SLC4A10: variants seen among roughly 807,000 people sequenced by gnomAD.
SLC4A10 encodes the protein sodium-driven chloride bicarbonate exchanger.
A neutral mutation model predicts 137.7 loss-of-function variants in SLC4A10; 42 were observed. The ratio of observed to expected loss-of-function variants is 0.30; its 90% CI spans 0.24 to 0.39. SLC4A10 has a LOEUF of 0.39. Ranked by LOEUF, SLC4A10 falls within the 10% of genes least tolerant of loss-of-function variation. The pLI is 1.00. For missense variants in SLC4A10, 925 were observed against 1,355.0 expected, an observed-to-expected ratio of 0.68 and a Z score of 4.98; for synonymous variants, 474 against 464.1, an observed-to-expected ratio of 1.02 and a Z score of -0.27.
chr2:161,751,707 A>G (rs1325554823), intron 1 of SLC4A10, among the ~76,000 whole-genome samples: 1 of 151,754 alleles, frequency 6.6e-6, no homozygotes, highest in Non-Finnish European at 1.5e-5. Context: ...ATTATTGCAA[A>G]TGCCTTTTTA....
intron 17 of SLC4A10, 123 bp downstream of exon 17, chr2:161,947,850 G>A: frequency 9.4e-7 from 1 of 1,065,274 alleles, no homozygotes; most frequent in South Asian, 1.6e-5. Context: ...TAGTTGTGGA[G>A]TGAGATGAGG....
chr2:161,811,414 A>G (rs2056539330), intron 3 of SLC4A10, among the ~76,000 whole-genome samples: 1 of 151,774 alleles, frequency 6.6e-6, no homozygotes, highest in Non-Finnish European at 1.5e-5. Context: ...TTAAAGCCAT[A>G]CTTATGTTGG....
rs369305207 is a variant in SLC4A10 at position 161,954,976 on chromosome 2, C to G, written c.2542-2013C>G. Among the ~76,000 whole-genome samples the G allele has an allele frequency of 9.9e-5, 15 of 152,236 alleles. No homozygotes were observed. In the East Asian group the frequency reaches 2.3e-3, roughly 24 times the overall value. On this transcript the variant is annotated intron_variant, in intron 19 of 26. Transcript: ENST00000446997. ...GAAAGTCCAGGTGTGCTAAAAAGTA[C>G]AAGCCTGACTCTCAAGGCCCCCTGT... is the stretch of plus-strand genomic sequence containing the variant.
intron 15 of SLC4A10, among the ~76,000 whole-genome samples, chr2:161,924,723 A>T (rs979038871): frequency 9.2e-5 from 14 of 152,204 alleles, no homozygotes; most frequent in African/African-American, 3.4e-4. Context: ...ACATTGGTAC[A>T]TCAAATTTCT....
At chr2:161,755,098 C>CA (rs1309936062) in intron 1 of SLC4A10, among the ~76,000 whole-genome samples, 3 of 151,766 alleles carry the variant, frequency 2.0e-5, no homozygotes, top group African/African-American at 4.8e-5. Context: ...CTGACTCATA[C>CA]AAAAAAAATA....
chr2:161,746,304 A>C (rs2048377439), intron 1 of SLC4A10, among the ~76,000 whole-genome samples: 1 of 150,922 alleles, frequency 6.6e-6, no homozygotes, highest in African/African-American at 2.4e-5. Context: ...CTGCAAGACA[A>C]AAGTCCTCTT....
At chr2:161,959,055 C>T (rs986921672) in intron 21 of SLC4A10, among the ~76,000 whole-genome samples, 14 of 151,908 alleles carry the variant, frequency 9.2e-5, no homozygotes, top group Non-Finnish European at 1.9e-4. Context: ...AGTAACATGG[C>T]AAAAATGCTT....
At chr2:161,768,999 G>A (rs945049078) in intron 1 of SLC4A10, among the ~76,000 whole-genome samples, 3 of 151,956 alleles carry the variant, frequency 2.0e-5, no homozygotes, top group Admixed American at 6.6e-5. Flanking sequence ...TGGTATGGGC[G>A]AGCAGGCCTT....
chr2:161,873,943 A>C lies in SLC4A10; in HGVS notation c.886A>C (p.Thr296Pro). The C allele has an allele frequency of 6.3e-7, 1 of 1,594,970 alleles. No individual in the cohort carries two copies. The highest frequency in any genetic ancestry group is 8.5e-7 in the Non-Finnish European group (1 of 1,178,220). Residue 296 changes from threonine (T) to proline (P), a missense_variant, in exon 8 of 27, where the codon ACT (threonine) becomes CCT (proline). Physicochemically the swap from Thr to Pro is conservative, Grantham distance 38 (BLOSUM62 -1). Coordinates refer to ENST00000446997, the MANE Select transcript of SLC4A10 (RefSeq NM_001178015.2). ...ACTGGGAGGCCAACAAAAGGGGCATACTAGTCCATGTGGGATGAAACAAAG... is the reference window on the plus strand; with the variant it reads ...ACTGGGAGGCCAACAAAAGGGGCATCCTAGTCCATGTGGGATGAAACAAAG... ...KGLGGQQKGH[T>P]SPCGMKQRHE...
intron 15 of SLC4A10, among the ~76,000 whole-genome samples, chr2:161,929,439 A>C (rs981702233): frequency 2.0e-5 from 3 of 152,374 alleles, no homozygotes; most frequent in East Asian, 3.9e-4. Context: ...ATTCTCTGCT[A>C]ACAGCTTAAA....
At chr2:161,728,679 A>T (rs2046496685) in intron 1 of SLC4A10, among the ~76,000 whole-genome samples, 1 of 152,214 alleles carries the variant, frequency 6.6e-6, no homozygotes, top group South Asian at 2.1e-4. Context: ...AAAATAGAAG[A>T]CAAAAAAGAC....
chr2:161,734,746 T>TA (rs202153759), intron 1 of SLC4A10, among the ~76,000 whole-genome samples: 13 of 126,954 alleles, frequency 1.0e-4, no homozygotes, highest in Non-Finnish European at 1.9e-4. Flanking sequence ...TGTATATATA[T>TA]TTTTTTTCTG....
rs948077085 is a variant in SLC4A10 at position 161,856,885 on chromosome 2, G to A, written c.577+1755G>A. ...TTGCTCTAAGGCGTTTATTTCTGCC[G>A]CTTAAATCGATGATGGCGCTACCTT... On this transcript the variant is annotated intron_variant, in intron 5 of 26. Coordinates refer to ENST00000446997, the MANE Select transcript of SLC4A10 (RefSeq NM_001178015.2). Among the ~76,000 whole-genome samples the A allele has an allele frequency of 9.9e-5, 15 of 152,072 alleles. 1 individual carries two copies. The highest frequency in any genetic ancestry group is 3.3e-4 in the Admixed American group (5 of 15,258).
At chr2:161,874,940 CTTA>C (rs2061372007) in intron 8 of SLC4A10, among the ~76,000 whole-genome samples, 1 of 152,140 alleles carries the variant, frequency 6.6e-6, no homozygotes, top group Admixed American at 6.6e-5. Flanking sequence ...GGTGGTTACA[CTTA>C]TTAGTGTGGT....
chr2:161,909,493 G>A (rs1685307328), intron 15 of SLC4A10, among the ~76,000 whole-genome samples: 1 of 152,280 alleles, frequency 6.6e-6, no homozygotes, highest in South Asian at 2.1e-4. Context: ...TGGGCATGAG[G>A]TTTTAGTGCC....
At chr2:161,849,922 A>G (rs2059729942) in intron 4 of SLC4A10, among the ~76,000 whole-genome samples, 1 of 152,004 alleles carries the variant, frequency 6.6e-6, no homozygotes, top group Non-Finnish European at 1.5e-5. Context: ...AATGAATTGG[A>G]CAGGAGCCCC....
At chr2:161,691,577 T>G (rs951377199) in intron 1 of SLC4A10, among the ~76,000 whole-genome samples, 4 of 152,108 alleles carry the variant, frequency 2.6e-5, no homozygotes, top group Non-Finnish European at 5.9e-5. Context: ...ATGTACCCCA[T>G]GAATATATAC....
intron 1 of SLC4A10, among the ~76,000 whole-genome samples, chr2:161,649,197 G>GAAAAAT (rs2036471434): frequency 6.6e-6 from 1 of 151,994 alleles, no homozygotes; most frequent in Non-Finnish European, 1.5e-5. Context: ...TGACACCACC[G>GAAAAAT]TTTCTACAAA....
intron 1 of SLC4A10, among the ~76,000 whole-genome samples, chr2:161,729,713 G>T (rs1380322563): frequency 6.6e-6 from 1 of 152,044 alleles, no homozygotes; most frequent in Non-Finnish European, 1.5e-5. Flanking sequence ...GTTAAAAAAA[G>T]TTAGCAAACT....
Sources: allele counts gnomAD v4.1 joint callset (sites outside exome capture counted in the v4.1 genomes callset), GRCh38; gene constraint gnomAD v4.1.1; transcripts MANE v1.5; gene names NCBI Gene and HGNC (gene_info 2026-07-23, HGNC 2026-07-21).